Variants in CMYA5 observed in about 807,000 individuals in gnomAD.
CMYA5 encodes the protein cardiomyopathy-associated protein 5.
In CMYA5, 246 loss-of-function variants were observed where a neutral mutation model predicts 318.9. The ratio of observed to expected loss-of-function variants is 0.77; its 90% CI spans 0.70 to 0.86. The LOEUF (loss-of-function observed/expected upper bound fraction) is 0.86. Among genes scored for constraint, CMYA5 ranks in the 40% least tolerant of loss-of-function variants. The pLI is 0.00. For synonymous variants in CMYA5, 1,641 were observed against 1,729.5 expected, an observed-to-expected ratio of 0.95 and a Z score of 1.27; for missense variants, 4,589 against 4,678.2, an observed-to-expected ratio of 0.98 and a Z score of 0.56.
chr5:79,728,705 G>T (rs1827800590), intron 1 of CMYA5, among the ~76,000 whole-genome samples: 1 of 152,016 alleles, frequency 6.6e-6, no homozygotes, highest in South Asian at 2.1e-4. Context: ...AGTCATTCCA[G>T]CCTGGGATGT....
Position 79,763,133 on chromosome 5 carries a change from C to G in CMYA5, c.11479C>G (p.Pro3827Ala), listed in dbSNP as rs1828685486. 2 of 1,590,454 alleles carry G rather than the reference C, an allele frequency of 1.3e-6. No homozygotes were observed. The highest frequency in any genetic ancestry group is 1.7e-6 in the Non-Finnish European group (2 of 1,169,366). ...CWNTATIRWR[P>A]TTPEATETYT... is the part of the protein sequence containing the mutation. ...GAACACAGCCACTATCCGATGGCGG[C>G]CCACCACCCCAGAGGCCACGGAGAC... Residue 3827 changes from proline (P) to alanine (A), a missense_variant, in exon 9 of 13, where the codon CCC becomes GCC. Pro to Ala is a conservative substitution (Grantham distance 27). This residue lies in a region of CMYA5 where 2,431 missense variants were observed against 2,495.1 expected (regional missense o/e 0.97). Transcript: ENST00000446378.
Position 79,735,152 on chromosome 5 carries a change from C to T in CMYA5, c.6387C>T (p.Pro2129=), listed in dbSNP as rs1231494360. 3.1e-6 allele frequency: 5 copies of T among 1,613,426 alleles called. No homozygotes were observed. Among genetic ancestry groups the T allele is most frequent in the Admixed American group, 1.7e-5 (1 of 59,924 alleles). ...AACCATCACCTGAAGTAAAAATACC[C>T]ACACAAAGAAAACCCATCTCCTCAA... ...GKKPSPEVKI[P]TQRKPISSIH... Residue 2129 remains proline, a synonymous_variant, in exon 2 of 13, where the codon CCC becomes CCT. Transcript: ENST00000446378.
At chr5:79,718,075 G>C (rs1348943608) in intron 1 of CMYA5, among the ~76,000 whole-genome samples, 2 of 76,570 alleles carry the variant, frequency 2.6e-5, no homozygotes, top group Non-Finnish European at 4.9e-5. Flanking sequence ...TTTTAGTAGA[G>C]ACGGGGTTTC....
chr5:79,771,039 T>C (rs1828846320), intron 9 of CMYA5, among the ~76,000 whole-genome samples: 1 of 142,756 alleles, frequency 7.0e-6, no homozygotes, highest in Non-Finnish European at 1.5e-5. Flanking sequence ...AGCTTAGAGG[T>C]GAACTCTGGC....
chr5:79,766,832 GGA>G (rs1365950795), intron 9 of CMYA5, among the ~76,000 whole-genome samples: 1 of 152,142 alleles, frequency 6.6e-6, no homozygotes, highest in Non-Finnish European at 1.5e-5. Flanking sequence ...AATGAGTTAG[GGA>G]GGAGTCCTTC....
intron 2 of CMYA5, 46 bp downstream of exon 2, chr5:79,739,449 A>G: frequency 2.4e-6 from 3 of 1,270,436 alleles, no homozygotes; most frequent in South Asian, 4.1e-5. Context: ...ATATATACAC[A>G]TTTAATTTGC....
intron 9 of CMYA5, chr5:79,777,979 G>C (rs1828971467): frequency 1.3e-5 from 2 of 151,996 alleles, no homozygotes. Context: ...AATTAGACAG[G>C]TGCAGTGGCA....
rs760568199 is a variant in CMYA5 at position 79,745,379 on chromosome 5, G to T, written c.10892G>T (p.Ser3631Ile). ...LHEQMVHFLQ[S>I]MDTAKDTLET... ...GAGCAGATGGTCCACTTTCTGCAGA[G>T]CATGGACACTGCCAAAGACACCCTG... Residue 3631 changes from serine (S) to isoleucine (I), a missense_variant, in exon 4 of 13, where the codon AGC becomes ATC. Physicochemically the swap from Ser to Ile is moderately radical, Grantham distance 142 (BLOSUM62 -2). Transcript: ENST00000446378. 3 of 1,613,864 alleles carry T rather than the reference G, an allele frequency of 1.9e-6. No homozygotes were observed. Among genetic ancestry groups the T allele is most frequent in the African/African-American group, 2.7e-5 (2 of 74,926 alleles).
chr5:79,712,127 C>G (rs1324633972), intron 1 of CMYA5, among the ~76,000 whole-genome samples: 1 of 152,166 alleles, frequency 6.6e-6, no homozygotes, highest in Non-Finnish European at 1.5e-5. Flanking sequence ...TCCTGAAACT[C>G]CAGGGCTGGG....
chr5:79,699,315 A>G (rs1421773019), intron 1 of CMYA5, among the ~76,000 whole-genome samples: 1 of 152,140 alleles, frequency 6.6e-6, no homozygotes, highest in Non-Finnish European at 1.5e-5. Flanking sequence ...CTAACAAATC[A>G]TCTTGTTCTT....
In CMYA5 at chr5:79,737,587, A is replaced by G; in HGVS notation, c.8822A>G (p.Lys2941Arg). Residue 2941 changes from lysine to arginine, a missense_variant, in exon 2 of 13, where the codon AAG becomes AGG. Transcript: ENST00000446378. ...SKPAGLSEDQKTAFSIISEGC... is the reference protein window; with the variant it reads ...SKPAGLSEDQRTAFSIISEGC... ...CCAGCCGGACTTTCAGAAGATCAGAAGACTGCCTTTAGTATCATTTCTGAA... is the reference window on the plus strand; with the variant it reads ...CCAGCCGGACTTTCAGAAGATCAGAGGACTGCCTTTAGTATCATTTCTGAA... The G allele has an allele frequency of 1.2e-6, 2 of 1,613,776 alleles. No individual in the cohort carries two copies. The highest frequency in any genetic ancestry group is 1.6e-4 in the Middle Eastern group (1 of 6,062).
intron 9 of CMYA5, among the ~76,000 whole-genome samples, chr5:79,771,068 G>GAAAA (rs200789494): frequency 1.0e-5 from 1 of 99,434 alleles, no homozygotes; most frequent in Non-Finnish European, 2.1e-5. Context: ...AGGGAGAGAG[G>GAAAA]AAAAAAAAAA....
At chr5:79,792,875 C>A (rs1829203684) in intron 11 of CMYA5, among the ~76,000 whole-genome samples, 1 of 152,228 alleles carries the variant, frequency 6.6e-6, no homozygotes. Flanking sequence ...CAGAATCTTG[C>A]AGACTGTTGA....
rs149652577 is a variant in CMYA5 at position 79,747,945 on chromosome 5, A to G, written c.10991+832A>G. Among the ~76,000 whole-genome samples the G allele has an allele frequency of 5.0e-3, 756 of 152,336 alleles. 2 individuals are homozygous for G. The highest frequency in any genetic ancestry group is 8.3e-3 in the Non-Finnish European group (567 of 68,022). ...AGAGTAAAATCAGAAATTTGTATCT[A>G]TAATGTATTATAATATAAAAAAGGA... On this transcript the variant is annotated intron_variant, in intron 5 of 12. Coordinates refer to ENST00000446378, the MANE Select transcript of CMYA5 (RefSeq NM_153610.5).
At position 79,730,229 on chromosome 5, in the gene CMYA5, G is replaced by A. The variant is rs1178704882; in HGVS notation, c.1464G>A (p.Met488Ile). 1.2e-6 allele frequency: 2 copies of A among 1,613,924 alleles called. No homozygotes were observed. The change falls in exon 2 of 13, where the codon ATG (methionine) becomes ATA (isoleucine). Residue 488 changes from methionine to isoleucine, a missense_variant. Met to Ile is a conservative substitution (Grantham distance 10). This residue lies in a region of CMYA5 where 2,132 missense variants were observed against 2,131.3 expected (regional missense o/e 1.00). Coordinates refer to ENST00000446378, the MANE Select transcript of CMYA5 (RefSeq NM_153610.5). Reference protein sequence around the residue: ...PSVKGEKEENMLEPSISLSEP... With the variant: ...PSVKGEKEENILEPSISLSEP... ...TCAAAGGAGAGAAGGAGGAAAACATGCTTGAGCCATCCATTTCTCTTTCTG... is the reference window on the plus strand; with the variant it reads ...TCAAAGGAGAGAAGGAGGAAAACATACTTGAGCCATCCATTTCTCTTTCTG...
At chr5:79,773,807 A>G (rs1383722041) in intron 9 of CMYA5, among the ~76,000 whole-genome samples, 2 of 152,260 alleles carry the variant, frequency 1.3e-5, no homozygotes, top group African/African-American at 2.4e-5. Flanking sequence ...ATAGGGAGCA[A>G]GAGCTAAATG....
At chr5:79,718,097 C>A (rs1226979688) in intron 1 of CMYA5, among the ~76,000 whole-genome samples, 1 of 119,184 alleles carries the variant, frequency 8.4e-6, no homozygotes, top group Non-Finnish European at 1.7e-5. Flanking sequence ...CCGTTTTAGC[C>A]GGGATGGTCT....
Position 79,737,842 on chromosome 5 carries a change from A to G in CMYA5, c.9077A>G (p.Lys3026Arg), listed in dbSNP as rs760197322. ...LKENKQKETHKTKEEISTDSE... is the reference protein window; with the variant it reads ...LKENKQKETHRTKEEISTDSE... ...GAAAATAAACAAAAGGAAACTCATAAGACAAAAGAAGAGATATCCACAGAT... is the reference window on the plus strand; with the variant it reads ...GAAAATAAACAAAAGGAAACTCATAGGACAAAAGAAGAGATATCCACAGAT... The change falls in exon 2 of 13, where the codon AAG (lysine) becomes AGG (arginine). Residue 3026 changes from lysine to arginine, a missense_variant. Around this residue, in one of 3 missense-constraint regions of CMYA5, gnomAD observed 2,431 missense variants for 2,495.1 expected, o/e 0.97. Transcript: ENST00000446378. 1.2e-6 allele frequency: 2 copies of G among 1,602,428 alleles called. No homozygotes were observed. Among genetic ancestry groups the G allele is most frequent in the Non-Finnish European group, 1.7e-6 (2 of 1,177,084 alleles).
intron 1 of CMYA5, among the ~76,000 whole-genome samples, chr5:79,705,538 C>T (rs1207485981): frequency 6.6e-6 from 1 of 151,900 alleles, no homozygotes; most frequent in Non-Finnish European, 1.5e-5. Context: ...TTTTAAAAAC[C>T]TGCTTCAGAA....
Sources: allele counts gnomAD v4.1 joint callset (sites outside exome capture counted in the v4.1 genomes callset), GRCh38; gene constraint gnomAD v4.1.1; regional missense constraint gnomAD v4.1.1; transcripts MANE v1.5; gene names NCBI Gene and HGNC (gene_info 2026-07-23, HGNC 2026-07-21).